LRMDA: variants seen among roughly 807,000 people sequenced by gnomAD.
The protein encoded by LRMDA is leucine-rich melanocyte differentiation-associated protein.
LRMDA carries 18 observed loss-of-function variants against 29.8 expected under a neutral mutation model. The observed-to-expected ratio is 0.60, with a 90% CI of 0.42 to 0.90. The LOEUF (loss-of-function observed/expected upper bound fraction) is 0.90. Ranked by LOEUF, LRMDA falls within the 40% of genes least tolerant of loss-of-function variation. The pLI is 0.00. For missense variants in LRMDA, 273 were observed against 273.9 expected (o/e 1.00, Z 0.02); for synonymous variants, 125 against 109.4 (o/e 1.14, Z -0.89).
chr10:76,368,538 G>A (rs544884486), intron 6 of LRMDA, among the ~76,000 whole-genome samples: 2 of 152,276 alleles, frequency 1.3e-5, no homozygotes, highest in African/African-American at 4.8e-5. Flanking sequence ...CTATCTTGGA[G>A]AAAGTTCCAT....
intron 5 of LRMDA, among the ~76,000 whole-genome samples, chr10:76,261,656 G>A (rs949897089): frequency 2.0e-5 from 3 of 152,132 alleles, no homozygotes; most frequent in Non-Finnish European, 4.4e-5. Flanking sequence ...CTTCTCATAA[G>A]CCTTGAAAAG....
intron 5 of LRMDA, among the ~76,000 whole-genome samples, chr10:76,130,567 G>A (rs1849971945): frequency 1.3e-5 from 2 of 152,182 alleles, no homozygotes; most frequent in Admixed American, 1.3e-4. Flanking sequence ...GCTTGTGTGA[G>A]AAGGGAAAGC....
At chr10:75,456,594 G>A (rs1016863915) in intron 2 of LRMDA, among the ~76,000 whole-genome samples, 7 of 152,126 alleles carry the variant, frequency 4.6e-5, no homozygotes, top group Non-Finnish European at 7.3e-5. Context: ...CCCAGGACAG[G>A]GTTACACACT....
At chr10:75,715,152 C>T (rs544166434) in intron 2 of LRMDA, among the ~76,000 whole-genome samples, 7 of 152,142 alleles carry the variant, frequency 4.6e-5, no homozygotes, top group Non-Finnish European at 8.8e-5. Context: ...GCGGTACGTG[C>T]GGGCAGCGTA....
chr10:76,497,994 T>A (rs1224185624), intron 6 of LRMDA, among the ~76,000 whole-genome samples: 2 of 76,102 alleles, frequency 2.6e-5, no homozygotes, highest in African/African-American at 6.4e-5. Context: ...ACAAATTAGT[T>A]AAGAATGCAA....
At chr10:75,686,955 C>T (rs1460254904) in intron 2 of LRMDA, among the ~76,000 whole-genome samples, 1 of 152,084 alleles carries the variant, frequency 6.6e-6, no homozygotes, top group East Asian at 1.9e-4. Flanking sequence ...TTGATGTTCC[C>T]ATTATAATTG....
At chr10:76,554,590 T>C (rs1843531714) in intron 6 of LRMDA, among the ~76,000 whole-genome samples, 1 of 152,216 alleles carries the variant, frequency 6.6e-6, no homozygotes, top group East Asian at 1.9e-4. Flanking sequence ...AGGATGTCTA[T>C]AAACATTCTT....
chr10:76,136,656 CA>C (rs1388136658), intron 5 of LRMDA, among the ~76,000 whole-genome samples: 3 of 151,348 alleles, frequency 2.0e-5, no homozygotes, highest in African/African-American at 7.3e-5. Context: ...AAAACTTGTC[CA>C]AAAAATGTAG....
chr10:76,101,491 C>G (rs1283428912), intron 5 of LRMDA, among the ~76,000 whole-genome samples: 1 of 152,168 alleles, frequency 6.6e-6, no homozygotes, highest in Non-Finnish European at 1.5e-5. Flanking sequence ...AATCCCAACA[C>G]TTTGGGAGGC....
intron 6 of LRMDA, among the ~76,000 whole-genome samples, chr10:76,375,311 G>A (rs1181722055): frequency 1.4e-5 from 1 of 70,310 alleles, no homozygotes; most frequent in East Asian, 2.1e-4. Context: ...AAATAAGCCT[G>A]TTTCAAATGA....
At chr10:76,442,609 C>G (rs1842315190) in intron 6 of LRMDA, among the ~76,000 whole-genome samples, 1 of 152,082 alleles carries the variant, frequency 6.6e-6, no homozygotes, top group Non-Finnish European at 1.5e-5. Flanking sequence ...TAGAAGATTG[C>G]TTGAGTGGGG....
chr10:75,991,983 G>A (rs1847378443), intron 2 of LRMDA, among the ~76,000 whole-genome samples: 1 of 152,174 alleles, frequency 6.6e-6, no homozygotes, highest in Admixed American at 6.5e-5. Flanking sequence ...CAAGGCCCAA[G>A]AGACTATTTG....
chr10:75,712,242 C>A (rs933985427), intron 2 of LRMDA, among the ~76,000 whole-genome samples: 1 of 152,178 alleles, frequency 6.6e-6, no homozygotes, highest in African/African-American at 2.4e-5. Context: ...CCCTCCCCGC[C>A]CCCCTTGTTT....
At chr10:75,604,408 A>G (rs1399809869) in intron 2 of LRMDA, among the ~76,000 whole-genome samples, 1 of 152,092 alleles carries the variant, frequency 6.6e-6, no homozygotes, top group Admixed American at 6.5e-5. Context: ...AATTCAATTT[A>G]TTTGTCATTG....
intron 2 of LRMDA, among the ~76,000 whole-genome samples, chr10:75,556,421 A>G (rs1169959710): frequency 2.0e-5 from 3 of 152,202 alleles, no homozygotes; most frequent in African/African-American, 7.2e-5. Context: ...GTATCCTTCA[A>G]GCATAAAGGT....
chr10:76,235,931 G>T (rs1412328060), intron 5 of LRMDA, among the ~76,000 whole-genome samples: 1 of 152,182 alleles, frequency 6.6e-6, no homozygotes, highest in Non-Finnish European at 1.5e-5. Context: ...TTCCGTGTGT[G>T]CAGTTCCTCA....
At chr10:75,545,991 C>T (rs965434399) in intron 2 of LRMDA, among the ~76,000 whole-genome samples, 7 of 152,112 alleles carry the variant, frequency 4.6e-5, no homozygotes, top group Admixed American at 2.6e-4. Flanking sequence ...AATCTTGAGC[C>T]GGGAACCAAA....
At chr10:76,303,642 T>C (rs1362440555) in intron 5 of LRMDA, among the ~76,000 whole-genome samples, 2 of 151,944 alleles carry the variant, frequency 1.3e-5, no homozygotes, top group African/African-American at 4.8e-5. Flanking sequence ...ATTGTTGAAC[T>C]CCAGTGATCT....
At chr10:76,544,503 G>C (rs1843395687) in intron 6 of LRMDA, among the ~76,000 whole-genome samples, 1 of 152,060 alleles carries the variant, frequency 6.6e-6, no homozygotes, top group South Asian at 2.1e-4. Context: ...AGGCTCTGGT[G>C]CCTTCATTAA....
Sources: gnomAD v4.1 joint callset for allele counts (sites outside exome capture counted in the v4.1 genomes callset) on GRCh38, gnomAD v4.1.1 for gene constraint, MANE v1.5 for transcripts, NCBI Gene and HGNC (gene_info 2026-07-23, HGNC 2026-07-21) for gene names.